AUTS2: variants seen among roughly 807,000 people sequenced by gnomAD.
AUTS2 encodes the protein activator of transcription and developmental regulator AUTS2.
Under a neutral mutation model 112.4 loss-of-function variants are expected in AUTS2, and 17 were observed. That is an observed-to-expected ratio of 0.15 (90% CI 0.10 to 0.23). The LOEUF (loss-of-function observed/expected upper bound fraction) is 0.23, where lower values mean the gene tolerates loss of function less well. Ranked by LOEUF, AUTS2 falls within the 10% of genes least tolerant of loss-of-function variation. The probability of loss-of-function intolerance (pLI) is 1.00; values close to 1 mark genes in which losing one functional copy is unlikely to be tolerated. For missense variants in AUTS2, 1,510 were observed against 1,701.6 expected (o/e 0.89, Z 1.98); for synonymous variants, 751 against 702.7 (o/e 1.07, Z -1.09).
chr7:70,717,865 G>A (rs1286622198), intron 6 of AUTS2, among the ~76,000 whole-genome samples: 1 of 152,094 alleles, frequency 6.6e-6, no homozygotes, highest in African/African-American at 2.4e-5. Context: ...TTATTTTAAA[G>A]GCATCCTCAC....
At chr7:69,718,246 T>C (rs1413161163) in intron 1 of AUTS2, among the ~76,000 whole-genome samples, 1 of 152,246 alleles carries the variant, frequency 6.6e-6, no homozygotes, top group African/African-American at 2.4e-5. Flanking sequence ...GTGGATATGT[T>C]AGTTTCCTAT....
rs745406871 is a variant in AUTS2 at position 70,406,066 on chromosome 7, G to A, written c.661-29686G>A. Among the ~76,000 whole-genome samples, 8 of 152,048 alleles carry A rather than the reference G, an allele frequency of 5.3e-5. No individual in the cohort carries two copies. The East Asian group carries it at 7.7e-4, about 15-fold the overall frequency. ...ATTTAAAAGAAAACACTCTTTTCAC[G>A]GTCTCCCCTTCCTGCCTGCCATCTT... On this transcript the variant is annotated intron_variant, in intron 4 of 18. Coordinates refer to ENST00000342771, the MANE Select transcript of AUTS2 (RefSeq NM_015570.4).
At chr7:70,253,207 C>T (rs1367895578) in intron 4 of AUTS2, among the ~76,000 whole-genome samples, 2 of 152,052 alleles carry the variant, frequency 1.3e-5, no homozygotes, top group Admixed American at 6.5e-5. Context: ...TATGTTATGG[C>T]ATAACAAGAT....
intron 6 of AUTS2, among the ~76,000 whole-genome samples, chr7:70,742,068 G>A (rs561921358): frequency 1.3e-5 from 2 of 152,188 alleles, no homozygotes; most frequent in African/African-American, 2.4e-5. Flanking sequence ...AGCAAGTGTC[G>A]CAGCAGCTCC....
At chr7:69,843,153 A>G (rs1792053789) in intron 1 of AUTS2, among the ~76,000 whole-genome samples, 1 of 152,126 alleles carries the variant, frequency 6.6e-6, no homozygotes, top group Non-Finnish European at 1.5e-5. Flanking sequence ...CCTGAAAGAG[A>G]GGTATTCAGA....
intron 4 of AUTS2, among the ~76,000 whole-genome samples, chr7:70,329,059 C>A (rs895918792): frequency 6.6e-6 from 1 of 152,148 alleles, no homozygotes; most frequent in Non-Finnish European, 1.5e-5. Flanking sequence ...TGGCTTCTTT[C>A]ACTTAGCATA....
At chr7:69,859,454 GACAA>G (rs541763704) in intron 1 of AUTS2, among the ~76,000 whole-genome samples, 98 of 152,302 alleles carry the variant, frequency 6.4e-4, no homozygotes, top group East Asian at 2.3e-3. Flanking sequence ...TAGACAAGAT[GACAA>G]ACAGAGAGAC....
intron 1 of AUTS2, among the ~76,000 whole-genome samples, chr7:69,718,395 G>A (rs1316190660): frequency 6.6e-6 from 1 of 152,138 alleles, no homozygotes; most frequent in African/African-American, 2.4e-5. Context: ...GTTCCTCGTG[G>A]AGGCTCTGGG....
At chr7:69,632,710 G>A (rs1297751321) in intron 1 of AUTS2, among the ~76,000 whole-genome samples, 1 of 151,536 alleles carries the variant, frequency 6.6e-6, no homozygotes, top group Non-Finnish European at 1.5e-5. Context: ...GCTCACGTTT[G>A]CTAGTTCTTT....
intron 5 of AUTS2, among the ~76,000 whole-genome samples, chr7:70,542,352 G>A (rs899963946): frequency 2.0e-5 from 3 of 152,184 alleles, no homozygotes; most frequent in African/African-American, 4.8e-5. Flanking sequence ...TAGACCCCAA[G>A]TATCTGAACT....
At chr7:70,295,338 C>T (rs1430035813) in intron 4 of AUTS2, among the ~76,000 whole-genome samples, 2 of 152,184 alleles carry the variant, frequency 1.3e-5, no homozygotes, top group Non-Finnish European at 2.9e-5. Flanking sequence ...CAATCTGTTA[C>T]ACCTCAGACC....
At position 70,198,567 on chromosome 7, in the gene AUTS2, G is replaced by A. The variant is rs1304685671; in HGVS notation, c.660+63996G>A. Among the ~76,000 whole-genome samples the A allele has an allele frequency of 2.0e-3, 253 of 124,632 alleles. 2 individuals are homozygous for A. The highest frequency in any genetic ancestry group is 0.015 in the Middle Eastern group (4 of 272). The allele number at this position is 124,632 out of a possible 152,430, so 81.8% of individuals were successfully genotyped here. A position where few individuals can be genotyped will look rare whatever the true frequency, so the allele number is the denominator to read the frequency against. ...ATGCAGAAGCCTCAGGAGCCGATGCGATCAACTGGAAGAAAGGGTATCAGC... is the reference window on the plus strand; with the variant it reads ...ATGCAGAAGCCTCAGGAGCCGATGCAATCAACTGGAAGAAAGGGTATCAGC... On this transcript the variant is annotated intron_variant, in intron 4 of 18. Coordinates refer to ENST00000342771, the MANE Select transcript of AUTS2 (RefSeq NM_015570.4).
chr7:70,781,380 AAAAAC>A, intron 14 of AUTS2: 4 of 362,152 alleles, frequency 1.1e-5, no homozygotes, highest in Non-Finnish European at 1.9e-5. Flanking sequence ...AAAAAAAAAA[AAAAAC>A]CAGACCAAAC....
intron 2 of AUTS2, among the ~76,000 whole-genome samples, chr7:70,068,603 C>T (rs1802609547): frequency 6.6e-6 from 1 of 152,198 alleles, no homozygotes; most frequent in African/African-American, 2.4e-5. Flanking sequence ...TGGCACATTA[C>T]AGTCATAGTG....
intron 1 of AUTS2, among the ~76,000 whole-genome samples, chr7:69,795,982 AT>A (rs1040917938): frequency 2.0e-5 from 3 of 152,180 alleles, no homozygotes; most frequent in African/African-American, 7.2e-5. Context: ...AGTTACCTCG[AT>A]TAAAAAATAA....
intron 2 of AUTS2, among the ~76,000 whole-genome samples, chr7:70,018,386 C>T (rs530453892): frequency 1.3e-5 from 2 of 152,238 alleles, no homozygotes; most frequent in Admixed American, 1.3e-4. Context: ...CACACTTTAT[C>T]AGGACTGAAG....
chr7:69,785,178 T>C (rs1164442813), intron 1 of AUTS2, among the ~76,000 whole-genome samples: 8 of 152,252 alleles, frequency 5.3e-5, no homozygotes, highest in Admixed American at 5.2e-4. Flanking sequence ...CTTCAGTTGT[T>C]CAAATTATTA....
intron 1 of AUTS2, among the ~76,000 whole-genome samples, chr7:69,775,920 G>A (rs143008022): frequency 6.6e-6 from 1 of 152,224 alleles, no homozygotes; most frequent in African/African-American, 2.4e-5. Flanking sequence ...AGATCCTTGA[G>A]ATTGGCCCTG....
chr7:70,518,615 G>A (rs1265824224), intron 5 of AUTS2, among the ~76,000 whole-genome samples: 4 of 151,962 alleles, frequency 2.6e-5, no homozygotes, highest in African/African-American at 4.8e-5. Context: ...ACCAGGAGCC[G>A]GAGCTTGCAG....
Sources: gnomAD v4.1 joint callset for allele counts (sites outside exome capture counted in the v4.1 genomes callset) on GRCh38, gnomAD v4.1.1 for gene constraint, MANE v1.5 for transcripts, NCBI Gene and HGNC (gene_info 2026-07-23, HGNC 2026-07-21) for gene names.